Variants in ENTREP2 observed in about 807,000 individuals in gnomAD.
ENTREP2 encodes endosomal transmembrane epsin interactor 2, also known as protein ENTREP2.
At chr15:29,455,422 T>C in the ENTREP2 span, among the ~76,000 whole-genome samples, 1 of 152,228 alleles carries the variant, frequency 6.6e-6, no homozygotes, top group African/African-American at 2.4e-5. Flanking sequence ...CAGCATTTGA[T>C]ACCTAATACA....
At chr15:29,227,470 A>C in the ENTREP2 span, among the ~76,000 whole-genome samples, 3,601 of 152,202 alleles carry the variant, frequency 0.024, 147 homozygotes, top group African/African-American at 0.082. Flanking sequence ...TTTAGGGTGC[A>C]AGGGTCTGCG....
the ENTREP2 span, among the ~76,000 whole-genome samples, chr15:29,558,016 C>G: frequency 3.3e-5 from 5 of 152,300 alleles, no homozygotes; most frequent in East Asian, 9.7e-4. Context: ...CCCCTTTTCA[C>G]AAATGATCAA....
the ENTREP2 span, chr15:29,234,968 A>C: frequency 6.7e-7 from 1 of 1,495,330 alleles, no homozygotes; most frequent in Non-Finnish European, 9.3e-7. Context: ...ATTCCAACAG[A>C]TTGTATTAAC....
chr15:29,185,499 G>T, the ENTREP2 span, among the ~76,000 whole-genome samples: 12 of 152,278 alleles, frequency 7.9e-5, no homozygotes, highest in African/African-American at 2.9e-4. Context: ...TACACATTCT[G>T]TGCTTTCATT....
chr15:29,282,027 A>G, the ENTREP2 span, among the ~76,000 whole-genome samples: 1 of 152,156 alleles, frequency 6.6e-6, no homozygotes, highest in Non-Finnish European at 1.5e-5. Context: ...CCAGATAACT[A>G]AAGTCTGTAG....
At chr15:29,157,019 C>CCGATT in the ENTREP2 span, among the ~76,000 whole-genome samples, 1 of 152,088 alleles carries the variant, frequency 6.6e-6, no homozygotes, top group Non-Finnish European at 1.5e-5. Context: ...ATCGGTTGAA[C>CCGATT]CTGGGAGGTG....
the ENTREP2 span, among the ~76,000 whole-genome samples, chr15:29,207,460 G>GGGGGC: frequency 6.6e-6 from 1 of 151,072 alleles, no homozygotes; most frequent in African/African-American, 2.5e-5. Flanking sequence ...GGGGGCGGGG[G>GGGGGC]GGGTGGCCAG....
At chr15:29,642,419 G>A in the ENTREP2 span, among the ~76,000 whole-genome samples, 1 of 149,664 alleles carries the variant, frequency 6.7e-6, no homozygotes, top group Non-Finnish European at 1.5e-5. Flanking sequence ...ACTGGGTGTG[G>A]GGAATAACAA....
the ENTREP2 span, chr15:29,234,563 C>T: frequency 3.1e-5 from 45 of 1,431,104 alleles, no homozygotes; most frequent in Non-Finnish European, 3.7e-5. Context: ...TGTGGCAGCA[C>T]GTCGACAGCT....
chr15:29,296,006 G>A, the ENTREP2 span, among the ~76,000 whole-genome samples: 5 of 152,152 alleles, frequency 3.3e-5, no homozygotes, highest in Non-Finnish European at 7.4e-5. Flanking sequence ...ATCCAATCAC[G>A]TGAAGGCCTC....
At chr15:29,644,591 T>C in the ENTREP2 span, among the ~76,000 whole-genome samples, 4 of 151,136 alleles carry the variant, frequency 2.6e-5, no homozygotes, top group African/African-American at 9.7e-5. Context: ...TTGCCTGAGC[T>C]CAGGAGTTTA....
the ENTREP2 span, among the ~76,000 whole-genome samples, chr15:29,599,155 C>T: frequency 2.6e-5 from 4 of 152,182 alleles, no homozygotes; most frequent in African/African-American, 4.8e-5. Flanking sequence ...AATCATGTGA[C>T]TATGAACTTA....
the ENTREP2 span, among the ~76,000 whole-genome samples, chr15:29,657,363 C>A: frequency 0.054 from 8,136 of 150,620 alleles, 681 homozygotes; most frequent in African/African-American, 0.18. Flanking sequence ...GGCAGTGTTA[C>A]AGTTCTTACA....
the ENTREP2 span, among the ~76,000 whole-genome samples, chr15:29,386,066 T>G: frequency 6.6e-6 from 1 of 152,038 alleles, no homozygotes; most frequent in African/African-American, 2.4e-5. Flanking sequence ...TTGCTCCCCA[T>G]CCACTTCGCT....
chr15:29,365,250 CT>C, the ENTREP2 span, among the ~76,000 whole-genome samples: 3,043 of 141,892 alleles, frequency 0.021, 74 homozygotes, highest in Admixed American at 0.054. Flanking sequence ...TAGCTCATTT[CT>C]TTTTTTTTTT....
At chr15:29,313,334 G>T in the ENTREP2 span, among the ~76,000 whole-genome samples, 1 of 152,318 alleles carries the variant, frequency 6.6e-6, no homozygotes, top group Admixed American at 6.5e-5. Context: ...ATGCCATCTA[G>T]GACTTTCATA....
the ENTREP2 span, among the ~76,000 whole-genome samples, chr15:29,224,889 A>T: frequency 6.6e-6 from 1 of 152,068 alleles, no homozygotes; most frequent in East Asian, 2.0e-4. Context: ...AGCCCACGGA[A>T]GTTGGGGAGG....
At chr15:29,145,418 T>G in the ENTREP2 span, among the ~76,000 whole-genome samples, 2 of 151,768 alleles carry the variant, frequency 1.3e-5, no homozygotes, top group African/African-American at 4.8e-5. Flanking sequence ...GTCAGGAGAT[T>G]GAGACCATCC....
At chr15:29,649,553 T>C in the ENTREP2 span, among the ~76,000 whole-genome samples, 2 of 151,536 alleles carry the variant, frequency 1.3e-5, no homozygotes, top group Non-Finnish European at 2.9e-5. Context: ...AAACCCTGTC[T>C]CTACTAAAAA....
Sources: gnomAD v4.1 joint callset for allele counts (sites outside exome capture counted in the v4.1 genomes callset) on GRCh38, gnomAD v4.1.1 for gene constraint, MANE v1.5 for transcripts, NCBI Gene and HGNC (gene_info 2026-07-23, HGNC 2026-07-21) for gene names.